The following CNTNAP2 variants were observed in gnomAD, a reference collection of about 807,000 sequenced individuals.
The protein encoded by CNTNAP2 is contactin associated protein 2.
Under a neutral mutation model 155.2 loss-of-function variants are expected in CNTNAP2, and 98 were observed. That is an observed-to-expected ratio of 0.63 (90% CI 0.54 to 0.75). The LOEUF is 0.75. Among genes scored for constraint, CNTNAP2 ranks in the 30% least tolerant of loss-of-function variants. The probability of loss-of-function intolerance (pLI) is 0.00; values close to 1 mark genes in which losing one functional copy is unlikely to be tolerated. For synonymous variants in CNTNAP2, 651 were observed against 631.2 expected (o/e 1.03, Z -0.47); for missense variants, 1,727 against 1,688.1 (o/e 1.02, Z -0.40).
chr7:147,802,369 G>A (rs1457174622), intron 13 of CNTNAP2, among the ~76,000 whole-genome samples: 56 of 151,874 alleles, frequency 3.7e-4, no homozygotes, highest in Admixed American at 9.8e-4. Context: ...CCTCCCAGAC[G>A]GGGTGGCGGC....
chr7:147,956,148 T>C (rs1451123023), intron 14 of CNTNAP2, among the ~76,000 whole-genome samples: 1 of 152,196 alleles, frequency 6.6e-6, no homozygotes, highest in Non-Finnish European at 1.5e-5. Context: ...AAACAGGCAT[T>C]GTGAAATTTG....
chr7:146,192,261 C>T (rs1021604457), intron 1 of CNTNAP2, among the ~76,000 whole-genome samples: 1 of 152,084 alleles, frequency 6.6e-6, no homozygotes, highest in Non-Finnish European at 1.5e-5. Flanking sequence ...TTCAAAGCAG[C>T]CTGTAAATAC....
chr7:147,849,475 T>A (rs542452354), intron 13 of CNTNAP2, among the ~76,000 whole-genome samples: 27 of 152,252 alleles, frequency 1.8e-4, no homozygotes, highest in Non-Finnish European at 3.1e-4. Flanking sequence ...TCTGAGGTCA[T>A]CTTATCTGTC....
rs1421879773 is a variant in CNTNAP2, at chr7:147,562,236, A to C, written c.1876A>C (p.Lys626Gln). 1.2e-6 allele frequency: 2 copies of C among 1,613,890 alleles called. No homozygotes were observed. Among genetic ancestry groups the C allele is most frequent in the Non-Finnish European group, 1.7e-6 (2 of 1,179,926 alleles). The stretch of plus-strand genomic sequence containing the variant: ...TGGCAGCGGACCTCTGGGGCCTCTG[A>C]AAGTTTACTGCAACATGACAGGTAA... Reference protein sequence around the residue: ...PDGSGPLGPLKVYCNMTEDKV... With the variant: ...PDGSGPLGPLQVYCNMTEDKV... Residue 626 changes from lysine to glutamine, a missense_variant, in exon 12 of 24, where the codon AAA becomes CAA. Coordinates refer to ENST00000361727, the MANE Select transcript of CNTNAP2 (RefSeq NM_014141.6).
chr7:147,848,850 A>T (rs1202262232), intron 13 of CNTNAP2, among the ~76,000 whole-genome samples: 1 of 152,180 alleles, frequency 6.6e-6, no homozygotes, highest in East Asian at 1.9e-4. Flanking sequence ...CAAAAGACCA[A>T]ACCTCTCAAT....
intron 19 of CNTNAP2, among the ~76,000 whole-genome samples, chr7:148,222,049 C>A (rs570084662): frequency 6.6e-6 from 1 of 152,206 alleles, no homozygotes; most frequent in Non-Finnish European, 1.5e-5. Context: ...TCATGTCTGC[C>A]ACGGTGTGAG....
chr7:146,886,973 C>A (rs139809137), intron 3 of CNTNAP2, among the ~76,000 whole-genome samples: 19 of 151,680 alleles, frequency 1.3e-4, no homozygotes, highest in Admixed American at 6.6e-4. Flanking sequence ...AGGAAATAGA[C>A]CTAATATTTC....
chr7:147,337,795 C>T (rs1478912863), intron 9 of CNTNAP2, among the ~76,000 whole-genome samples: 1 of 152,046 alleles, frequency 6.6e-6, no homozygotes, highest in Non-Finnish European at 1.5e-5. Flanking sequence ...GTATTCAAAG[C>T]CTGCAGGGTG....
intron 18 of CNTNAP2, among the ~76,000 whole-genome samples, chr7:148,214,163 C>T (rs1358044505): frequency 1.3e-5 from 2 of 152,212 alleles, no homozygotes; most frequent in Non-Finnish European, 2.9e-5. Flanking sequence ...CCTGCACTTA[C>T]CCCTCTGCAT....
At position 146,834,019 on chromosome 7, in the gene CNTNAP2, A is replaced by C. The variant is rs78526030; in HGVS notation, c.209-5692A>C. On this transcript the variant is annotated intron_variant, in intron 2 of 23. Coordinates refer to ENST00000361727, the MANE Select transcript of CNTNAP2 (RefSeq NM_014141.6). ...TTGCCTGGAGTCTCCTTTTCAATTT[A>C]TTTTTTTCAGCTGATACTTATTTCT... Among the ~76,000 whole-genome samples the C allele has an allele frequency of 5.1e-3, 772 of 151,946 alleles. 8 individuals are homozygous for C. The highest frequency in any genetic ancestry group is 0.018 in the African/African-American group (731 of 41,424).
intron 1 of CNTNAP2, among the ~76,000 whole-genome samples, chr7:146,325,897 A>C (rs377425795): frequency 3.2e-4 from 48 of 152,300 alleles, no homozygotes; most frequent in African/African-American, 1.1e-3. Flanking sequence ...GTTTATTAAG[A>C]TGTTGTCTAG....
chr7:147,802,461 G>A (rs1798016931), intron 13 of CNTNAP2, among the ~76,000 whole-genome samples: 2 of 152,134 alleles, frequency 1.3e-5, no homozygotes, highest in South Asian at 2.1e-4. Flanking sequence ...CCGAGATCAG[G>A]CCACTGCACT....
intron 1 of CNTNAP2, among the ~76,000 whole-genome samples, chr7:146,769,314 A>G (rs950386429): frequency 6.6e-6 from 1 of 152,178 alleles, no homozygotes; most frequent in Non-Finnish European, 1.5e-5. Flanking sequence ...TTATATAAAA[A>G]TTCTAAATTT....
At chr7:146,465,485 G>A (rs1563094594) in intron 1 of CNTNAP2, among the ~76,000 whole-genome samples, 1 of 152,136 alleles carries the variant, frequency 6.6e-6, no homozygotes, top group Non-Finnish European at 1.5e-5. Context: ...TTAGTGAGGT[G>A]TGTAGGGTAA....
chr7:146,258,533 A>G (rs1427061826), intron 1 of CNTNAP2, among the ~76,000 whole-genome samples: 2 of 152,146 alleles, frequency 1.3e-5, no homozygotes, highest in African/African-American at 4.8e-5. Context: ...TTGATGTTGG[A>G]GGTTCTCTTA....
intron 8 of CNTNAP2, among the ~76,000 whole-genome samples, chr7:147,178,219 C>T (rs765617308): frequency 1.3e-5 from 2 of 152,028 alleles, no homozygotes; most frequent in African/African-American, 2.4e-5. Context: ...TCCTTCAAAA[C>T]GGAGACTGTT....
chr7:148,264,152 A>G (rs1306934087), intron 20 of CNTNAP2, among the ~76,000 whole-genome samples: 1 of 152,234 alleles, frequency 6.6e-6, no homozygotes, highest in Non-Finnish European at 1.5e-5. Context: ...AAAACTGTGT[A>G]CTATGTATCC....
chr7:147,544,532 T>G (rs960863163), intron 11 of CNTNAP2, among the ~76,000 whole-genome samples: 3 of 152,048 alleles, frequency 2.0e-5, no homozygotes, highest in African/African-American at 7.2e-5. Context: ...GAAATATCTA[T>G]TCCAATAAAA....
Position 147,572,337 on chromosome 7 carries a change from G to C in CNTNAP2, c.1897+10080G>C, listed in dbSNP as rs73741407. 8.6e-3 allele frequency among the ~76,000 whole-genome samples: 1,306 copies of C among 152,160 alleles called. 21 individuals carry two copies. The highest frequency in any genetic ancestry group is 0.03 in the African/African-American group (1,242 of 41,486). On this transcript the variant is annotated intron_variant, in intron 12 of 23. Transcript: ENST00000361727. ...AAAGAGAGGAAAACCATGAGATCCA[G>C]TGAGGCCTACACCACAGGAGAGGAC...
Sources: gnomAD v4.1 joint callset for allele counts (sites outside exome capture counted in the v4.1 genomes callset) on GRCh38, gnomAD v4.1.1 for gene constraint, MANE v1.5 for transcripts, NCBI Gene and HGNC (gene_info 2026-07-23, HGNC 2026-07-21) for gene names.